GDF5: variants seen among roughly 807,000 people sequenced by gnomAD.
GDF5 encodes growth/differentiation factor 5.
In GDF5, 17 loss-of-function variants were observed where a neutral mutation model predicts 34.6. That is an observed-to-expected ratio of 0.49 (90% CI 0.34 to 0.74). The LOEUF (loss-of-function observed/expected upper bound fraction) is 0.74, where lower values mean the gene tolerates loss of function less well. GDF5 is among the 30% of genes least tolerant of loss of function. The pLI is 0.01. For synonymous variants in GDF5, 332 were observed against 290.7 expected (o/e 1.14, Z -1.44); for missense variants, 616 against 661.2 (o/e 0.93, Z 0.75).
rs138130158 is a variant in GDF5, at chr20:35,434,287, C to T, written c.1128G>A (p.Gln376=). ...CCAGTGGGGCCCGCCGTTTTCGCCG[C>T]TGGCTGAACAGGTACTCATACACGG... The part of the protein sequence containing the change: ...DKTVYEYLFS[Q]RRKRRAPLAT... The change falls in exon 2 of 2, where the codon CAG becomes CAA. Residue 376 remains glutamine (Q), a synonymous_variant. Coordinates refer to ENST00000374369, the MANE Select transcript of GDF5 (RefSeq NM_000557.5). 2 of 1,614,098 alleles carry T rather than the reference C, an allele frequency of 1.2e-6. No individual in the cohort carries two copies. The highest frequency in any genetic ancestry group is 1.7e-5 in the Admixed American group (1 of 60,006).
chr20:35,449,239 G>A (rs897039489), intron 1 of GDF5, among the ~76,000 whole-genome samples: 3 of 151,968 alleles, frequency 2.0e-5, no homozygotes, highest in African/African-American at 2.4e-5. Flanking sequence ...GAGTGGGTGG[G>A]ACTACAGCCA....
chr20:35,451,056 A>ATATAT lies in GDF5; in HGVS notation c.-398+3583_-398+3584insATATA, dbSNP rs2062530262. Among the ~76,000 whole-genome samples, 224 of 66,964 alleles carry ATATAT rather than the reference A, an allele frequency of 3.3e-3. 4 individuals are homozygous for ATATAT. The highest frequency in any genetic ancestry group is 4.6e-3 in the Non-Finnish European group (162 of 35,208). The allele number at this position is 66,964 out of a possible 152,430, so 43.9% of individuals were successfully genotyped here. Reference sequence around the variant, plus strand: ...TTAGACTAACAGAAAAAAAAAAAAAAAAAAAAAAATATATATATATATATA... The same window carrying ATATAT: ...TTAGACTAACAGAAAAAAAAAAAAAATATATAAAAAAAAATATATATATATATATA... On this transcript the variant is annotated intron_variant, in intron 1 of 3. Coordinates refer to the GDF5 transcript ENST00000374372.
chr20:35,434,110 G>C lies in GDF5; in HGVS notation c.1305C>G (p.Phe435Leu). ...EAFHCEGLCEFPLRSHLEPTN... is the reference protein window; with the variant it reads ...EAFHCEGLCELPLRSHLEPTN... ...TGGGCTCCAGGTGGGAGCGCAATGG[G>C]AACTCGCACAGCCCCTCGCAGTGGA... The change falls in exon 2 of 2, where the codon TTC becomes TTG. Residue 435 changes from phenylalanine to leucine, a missense_variant. By Grantham distance (22) the Phe-to-Leu change is conservative. Coordinates refer to ENST00000374369, the MANE Select transcript of GDF5 (RefSeq NM_000557.5). 3 of 1,614,176 alleles carry C rather than the reference G, an allele frequency of 1.9e-6. No individual in the cohort carries two copies. The highest frequency in any genetic ancestry group is 2.5e-6 in the Non-Finnish European group (3 of 1,180,004).
chr20:35,450,031 C>T (rs1423506024), intron 1 of GDF5, among the ~76,000 whole-genome samples: 4 of 149,444 alleles, frequency 2.7e-5, no homozygotes, highest in South Asian at 2.1e-4. Flanking sequence ...GGCCGGGCGT[C>T]GCGGCTCACG....
intron 1 of GDF5, among the ~76,000 whole-genome samples, chr20:35,448,226 C>T (rs1424090928): frequency 2.6e-5 from 4 of 151,772 alleles, no homozygotes; most frequent in Non-Finnish European, 4.4e-5. Flanking sequence ...CCATCTAATT[C>T]TAATTCCCAC....
At chr20:35,445,106 G>C (rs2062509591) in intron 1 of GDF5, among the ~76,000 whole-genome samples, 1 of 152,176 alleles carries the variant, frequency 6.6e-6, no homozygotes, top group Non-Finnish European at 1.5e-5. Flanking sequence ...TAATGATTAA[G>C]AGCTAAGTCA....
chr20:35,439,057 T>A (rs1235839964), upstream of GDF5, among the ~76,000 whole-genome samples: 2 of 151,846 alleles, frequency 1.3e-5, no homozygotes, highest in African/African-American at 4.8e-5. Flanking sequence ...GAGTGCATAT[T>A]CTTCAGGCTT....
intron 1 of GDF5, among the ~76,000 whole-genome samples, chr20:35,444,260 T>G (rs1159735576): frequency 1.3e-5 from 2 of 152,224 alleles, no homozygotes; most frequent in Non-Finnish European, 2.9e-5. Flanking sequence ...CATAAGAGAA[T>G]GCTAAGTGCT....
chr20:35,446,266 A>G (rs999495275), intron 1 of GDF5, among the ~76,000 whole-genome samples: 32 of 150,174 alleles, frequency 2.1e-4, no homozygotes, highest in African/African-American at 7.8e-4. Context: ...GCTGAGATCC[A>G]GCCATTGCAC....
chr20:35,445,495 C>G (rs1191654965), intron 1 of GDF5, among the ~76,000 whole-genome samples: 2 of 151,398 alleles, frequency 1.3e-5, no homozygotes, highest in African/African-American at 4.9e-5. Context: ...GAAACTCTGA[C>G]TCTACTAAAA....
At chr20:35,447,420 T>G (rs1423168813) in intron 1 of GDF5, among the ~76,000 whole-genome samples, 4 of 152,216 alleles carry the variant, frequency 2.6e-5, no homozygotes, top group African/African-American at 9.6e-5. Context: ...TTGCTAGAGT[T>G]GAGTGTCTCT....
intron 1 of GDF5, among the ~76,000 whole-genome samples, chr20:35,444,424 T>A (rs1055674700): frequency 6.6e-6 from 1 of 152,078 alleles, no homozygotes; most frequent in Non-Finnish European, 1.5e-5. Context: ...GAACAGCAGT[T>A]GCAAAGGCCC....
upstream of GDF5, among the ~76,000 whole-genome samples, chr20:35,439,809 A>G (rs2062491653): frequency 6.6e-6 from 1 of 151,810 alleles, no homozygotes; most frequent in Admixed American, 6.6e-5. Flanking sequence ...TCGTCCCCAG[A>G]CAGAGCCAGT....
Position 35,434,497 on chromosome 20 carries a change from C to A in GDF5, c.918G>T (p.Ser306=). The A allele has an allele frequency of 3.1e-6, 5 of 1,609,054 alleles. No homozygotes were observed. The highest frequency in any genetic ancestry group is 4.2e-6 in the Non-Finnish European group (5 of 1,177,374). ...CCTCCAGCTCCAGGCACAGCTGGGC[C>A]GAGTTCTTAAAGTTTCGGAAGAGCT... The part of the protein sequence containing the change: ...IWKLFRNFKN[S]AQLCLELEAW... The change falls in exon 2 of 2, where the codon TCG becomes TCT. Residue 306 remains serine, a synonymous_variant. Transcript: ENST00000374369.
intron 1 of GDF5, chr20:35,435,249 G>A (rs759062671): frequency 2.0e-4 from 59 of 293,754 alleles, no homozygotes; most frequent in Non-Finnish European, 3.0e-4. Flanking sequence ...TCCGGAGTTC[G>A]AAACCAGCCT....
upstream of GDF5, among the ~76,000 whole-genome samples, chr20:35,438,824 C>CGTGTGTGTGTGTGTGTGTGTGTGTGT (rs57641919): frequency 1.6e-5 from 2 of 126,490 alleles, no homozygotes; most frequent in Admixed American, 8.4e-5. Context: ...ATTTGTTATG[C>CGTGTGTGTGTGTGTGTGTGTGTGTGT]GTGTGTGTGT....
At chr20:35,435,655 C>G (rs182714069) in intron 1 of GDF5, among the ~76,000 whole-genome samples, 1 of 151,934 alleles carries the variant, frequency 6.6e-6, no homozygotes, top group African/African-American at 2.4e-5. Context: ...GGTCACACAG[C>G]AAGTTAATGA....
At chr20:35,444,024 T>C (rs2889882) in intron 1 of GDF5, among the ~76,000 whole-genome samples, 3,928 of 152,240 alleles carry the variant, frequency 0.026, 188 homozygotes, top group African/African-American at 0.09. Context: ...GACAATGCAG[T>C]GTTCCAGTTC....
At chr20:35,435,119 G>A in intron 1 of GDF5, 1 of 592,220 alleles carries the variant, frequency 1.7e-6, no homozygotes, top group Admixed American at 3.0e-5. Context: ...GAGCTAACGT[G>A]ATGTCTCATT....
Sources: allele counts gnomAD v4.1 joint callset (sites outside exome capture counted in the v4.1 genomes callset), GRCh38; gene constraint gnomAD v4.1.1; transcripts MANE v1.5; gene names NCBI Gene and HGNC (gene_info 2026-07-23, HGNC 2026-07-21).